Variants in GPR149 observed in about 807,000 individuals in gnomAD.
GPR149 encodes G protein-coupled receptor 149, also known as probable G protein-coupled receptor 149.
GPR149 carries 50 observed loss-of-function variants against 50.2 expected under a neutral mutation model. That is an observed-to-expected ratio of 1.00 (90% CI 0.79 to 1.26). The LOEUF is 1.26. Among genes scored for constraint, GPR149 ranks in the 50% most tolerant of loss-of-function variants. The pLI, the probability that GPR149 is intolerant of heterozygous loss-of-function variation, is 0.00. For missense variants in GPR149, 983 were observed against 895.4 expected (o/e 1.10, Z -1.25); for synonymous variants, 405 against 358.2 (o/e 1.13, Z -1.48).
In GPR149 at chr3:154,379,778, C is replaced by A. The variant is rs191570878; in HGVS notation, c.1623+41261G>T. On this transcript the variant is annotated intron_variant, in intron 3 of 3. Coordinates refer to ENST00000389740, the MANE Select transcript of GPR149 (RefSeq NM_001038705.3). ...AAATGTAAGAACTTTAATTCTGTTT[C>A]ATTTATAATATCTATATGTCTATCT... Among the ~76,000 whole-genome samples the A allele has an allele frequency of 1.2e-4, 18 of 152,198 alleles. No homozygotes were observed. In the East Asian group the frequency reaches 3.3e-3, roughly 28 times the overall value.
chr3:154,408,744 A>G lies in GPR149; in HGVS notation c.1623+12295T>C, dbSNP rs769942554. On this transcript the variant is annotated intron_variant, in intron 3 of 3. Coordinates refer to ENST00000389740, the MANE Select transcript of GPR149 (RefSeq NM_001038705.3). ...TGCTACCACCTGGTGGTCTTTCTCT[A>G]TCTGCCTTGGTAGTCGAAGGCAAAA... 8.0e-4 allele frequency among the ~76,000 whole-genome samples: 122 copies of G among 152,292 alleles called. 1 individual carries two copies. The highest frequency in any genetic ancestry group is 2.5e-3 in the Admixed American group (39 of 15,302).
chr3:154,413,375 A>T (rs1711895338), intron 3 of GPR149, among the ~76,000 whole-genome samples: 3 of 152,074 alleles, frequency 2.0e-5, no homozygotes, highest in Admixed American at 1.3e-4. Flanking sequence ...AAGCCACAGC[A>T]TGGGAAAAAA....
intron 3 of GPR149, among the ~76,000 whole-genome samples, chr3:154,402,734 T>A (rs895741216): frequency 1.1e-5 from 1 of 93,432 alleles, no homozygotes; most frequent in East Asian, 4.6e-4. Context: ...GTTGTCTATA[T>A]CCTGTACACT....
At chr3:154,366,226 G>A (rs1714528631) in intron 3 of GPR149, among the ~76,000 whole-genome samples, 4 of 152,110 alleles carry the variant, frequency 2.6e-5, no homozygotes, top group Admixed American at 2.6e-4. Flanking sequence ...TTGGAGTTTA[G>A]GCACAACTGA....
At position 154,429,361 on chromosome 3, in the gene GPR149, C is replaced by A; in HGVS notation, c.255G>T (p.Val85=). ...GCCACTGCAAAAACATGAAGATGGT[C>A]ACCGACAGGACGCTCATGAGATCAT... ...SVDDLMSVLS[V]TIFMFLQWPN... Residue 85 remains valine, a synonymous_variant, in exon 1 of 4, where the codon GTG becomes GTT. Transcript: ENST00000389740. The A allele has an allele frequency of 6.2e-7, 1 of 1,614,136 alleles. No homozygotes were observed. The highest frequency in any genetic ancestry group is 1.1e-5 in the South Asian group (1 of 91,040).
intron 3 of GPR149, among the ~76,000 whole-genome samples, chr3:154,397,036 T>C (rs1004734276): frequency 6.6e-6 from 1 of 152,046 alleles, no homozygotes; most frequent in African/African-American, 2.4e-5. Flanking sequence ...TCCCACTGAT[T>C]ATTGTGTCTT....
chr3:154,426,604 C>T (rs1046164315), intron 2 of GPR149, among the ~76,000 whole-genome samples: 1 of 152,132 alleles, frequency 6.6e-6, no homozygotes, highest in Non-Finnish European at 1.5e-5. Flanking sequence ...ATACAATAAT[C>T]TCCTTTTTCT....
chr3:154,353,047 T>C, intron 3 of GPR149: 1 of 1,395,894 alleles, frequency 7.2e-7, no homozygotes, highest in Non-Finnish European at 1.0e-6. Context: ...CCTTTTAGTG[T>C]AATTTCTCTT....
intron 3 of GPR149, among the ~76,000 whole-genome samples, chr3:154,341,962 A>C (rs1169676085): frequency 6.6e-6 from 1 of 152,208 alleles, no homozygotes; most frequent in Non-Finnish European, 1.5e-5. Context: ...AACAAACAAA[A>C]AACAGAATGA....
chr3:154,366,200 T>G (rs1455409639), intron 3 of GPR149, among the ~76,000 whole-genome samples: 1 of 152,168 alleles, frequency 6.6e-6, no homozygotes, highest in African/African-American at 2.4e-5. Flanking sequence ...ACACTCCTTG[T>G]TATACTCTCT....
At chr3:154,383,427 G>A (rs1714975833) in intron 3 of GPR149, among the ~76,000 whole-genome samples, 1 of 152,178 alleles carries the variant, frequency 6.6e-6, no homozygotes, top group Non-Finnish European at 1.5e-5. Context: ...TTCCTAGGAA[G>A]GAAGCAGTAT....
chr3:154,403,664 A>G (rs1343854866), intron 3 of GPR149, among the ~76,000 whole-genome samples: 1 of 152,222 alleles, frequency 6.6e-6, no homozygotes, highest in Non-Finnish European at 1.5e-5. Flanking sequence ...GAGTTGCCCA[A>G]AGTTTCAGCT....
chr3:154,425,564 G>C (rs947125893), intron 2 of GPR149, among the ~76,000 whole-genome samples: 4 of 151,944 alleles, frequency 2.6e-5, no homozygotes, highest in Non-Finnish European at 4.4e-5. Flanking sequence ...ATCATAAGAG[G>C]GAATGGAGTC....
intron 3 of GPR149, among the ~76,000 whole-genome samples, chr3:154,385,478 C>T (rs539422144): frequency 8.5e-5 from 13 of 152,136 alleles, no homozygotes; most frequent in African/African-American, 3.1e-4. Flanking sequence ...GTGAGCAGGG[C>T]AAAAAGAGTT....
Position 154,337,939 on chromosome 3 carries a change from T to C in GPR149, c.1956A>G (p.Leu652=). The change falls in exon 4 of 4, where the codon CTA becomes CTG. Residue 652 remains leucine, a synonymous_variant. Coordinates refer to ENST00000389740, the MANE Select transcript of GPR149 (RefSeq NM_001038705.3). ...QSSTQVRSPS[L]RYSRKENRFV... ...ATCTGTTTTCTTTCCTGGAGTAACG[T>C]AGGGATGGAGATCTGACTTGTGTGG... 6.2e-7 allele frequency: 1 copy of C among 1,613,434 alleles called. No individual in the cohort carries two copies. Among genetic ancestry groups the C allele is most frequent in the Non-Finnish European group, 8.5e-7 (1 of 1,179,602 alleles).
rs764344361 is a variant in GPR149, at chr3:154,421,167, C to T, written c.1495G>A (p.Asp499Asn). ...KDAFSDKTGGDINYEETTFSE... is the reference protein window; with the variant it reads ...KDAFSDKTGGNINYEETTFSE... ...AAGGTAGTTTCTTCATAGTTAATAT[C>T]ACCTCCTGTTTTGTCAGAAAACGCA... Residue 499 changes from aspartate (D) to asparagine (N), a missense_variant, in exon 3 of 4, where the codon GAT becomes AAT. Transcript: ENST00000389740. 1 of 1,613,406 alleles carries T rather than the reference C, an allele frequency of 6.2e-7. No individual in the cohort carries two copies. Among genetic ancestry groups the T allele is most frequent in the Non-Finnish European group, 8.5e-7 (1 of 1,179,512 alleles).
At chr3:154,353,230 A>G (rs1280584362) in intron 3 of GPR149, 1 of 1,521,922 alleles carries the variant, frequency 6.6e-7, no homozygotes, top group African/African-American at 1.4e-5. Context: ...GACCAATGAC[A>G]CTGAATGGCC....
intron 3 of GPR149, chr3:154,354,774 G>T: frequency 1.4e-6 from 1 of 712,258 alleles, no homozygotes; most frequent in Admixed American, 3.4e-5. Flanking sequence ...GCTCCATAAT[G>T]TCGCCCCAAG....
chr3:154,407,669 T>A (rs1481543816), intron 3 of GPR149, among the ~76,000 whole-genome samples: 1 of 143,882 alleles, frequency 7.0e-6, no homozygotes, highest in Non-Finnish European at 1.5e-5. Flanking sequence ...ATATATATGT[T>A]CATGTGTGTA....
Sources: allele counts gnomAD v4.1 joint callset (sites outside exome capture counted in the v4.1 genomes callset), GRCh38; gene constraint gnomAD v4.1.1; transcripts MANE v1.5; gene names NCBI Gene and HGNC (gene_info 2026-07-23, HGNC 2026-07-21).